Variants in CFTR observed in about 807,000 individuals in gnomAD.
CFTR encodes the protein CF transmembrane conductance regulator, also known as cystic fibrosis transmembrane conductance regulator.
In CFTR, 181 loss-of-function variants were observed where a neutral mutation model predicts 171.6. That is an observed-to-expected ratio of 1.05 (90% CI 0.93 to 1.19). The LOEUF is 1.19. Among genes scored for constraint, CFTR ranks in the 50% most tolerant of loss-of-function variants. The probability of loss-of-function intolerance (pLI) is 0.00; values close to 1 mark genes in which losing one functional copy is unlikely to be tolerated. For missense variants in CFTR, 1,968 were observed against 1,734.7 expected (o/e 1.13, Z -2.39); for synonymous variants, 583 against 608.0 (o/e 0.96, Z 0.60).
chr7:117,560,023 T>C (rs1342173203), intron 11 of CFTR, among the ~76,000 whole-genome samples: 1 of 152,050 alleles, frequency 6.6e-6, no homozygotes, highest in African/African-American at 2.4e-5. Flanking sequence ...ATATGCATCT[T>C]TAAAAATATA....
At chr7:117,616,931 AC>A (rs1418686782) in intron 21 of CFTR, among the ~76,000 whole-genome samples, 20 of 152,238 alleles carry the variant, frequency 1.3e-4, no homozygotes, top group Admixed American at 9.8e-4. Context: ...CCATTGCTAA[AC>A]TTATACAGTA....
chr7:117,612,021 A>ATATG lies in CFTR; in HGVS notation c.3367+214_3367+215insATGT, dbSNP rs1197151233. 6.7e-4 allele frequency among the ~76,000 whole-genome samples: 35 copies of ATATG among 52,390 alleles called. 1 individual carries two copies. Among genetic ancestry groups the ATATG allele is most frequent in the African/African-American group, 2.4e-3 (33 of 13,688 alleles). The allele number at this position is 52,390 out of a possible 152,430, so 34.4% of individuals were successfully genotyped here. On this transcript the variant is annotated intron_variant, in intron 20 of 26. Coordinates refer to ENST00000003084, the MANE Select transcript of CFTR (RefSeq NM_000492.4). The stretch of plus-strand genomic sequence containing the variant: ...CTTGAAATCGGATATATATATATAT[A>ATATG]TGTATATATATATATATATATATAT...
intron 11 of CFTR, among the ~76,000 whole-genome samples, chr7:117,568,245 C>G (rs1441552749): frequency 6.6e-6 from 1 of 152,152 alleles, no homozygotes; most frequent in Non-Finnish European, 1.5e-5. Flanking sequence ...CCTTTATATG[C>G]TCCAGTAAGA....
intron 15 of CFTR, among the ~76,000 whole-genome samples, chr7:117,596,803 T>G (rs1252787630): frequency 6.6e-6 from 1 of 152,230 alleles, no homozygotes; most frequent in African/African-American, 2.4e-5. Context: ...ATGTGCACTC[T>G]GTATCTAGCT....
chr7:117,667,086 A>T lies in CFTR; in HGVS notation c.4421A>T (p.Glu1474Val), dbSNP rs891768901. 1 of 1,613,980 alleles carries T rather than the reference A, an allele frequency of 6.2e-7. No homozygotes were observed. Among genetic ancestry groups the T allele is most frequent in the Non-Finnish European group, 8.5e-7 (1 of 1,179,930 alleles). Residue 1474 changes from glutamate (E) to valine (V), a missense_variant, in exon 27 of 27, where the codon GAG becomes GTG. Glu to Val is a moderately radical substitution (Grantham distance 121, BLOSUM62 -2). Coordinates refer to ENST00000003084, the MANE Select transcript of CFTR (RefSeq NM_000492.4). ...GCTCTGAAAGAGGAGACAGAAGAAGAGGTGCAAGATACAAGGCTTTAGAGA... is the reference window on the plus strand; with the variant it reads ...GCTCTGAAAGAGGAGACAGAAGAAGTGGTGCAAGATACAAGGCTTTAGAGA... The part of the protein sequence containing the change: ...IAALKEETEE[E>V]VQDTRL
intron 4 of CFTR, among the ~76,000 whole-genome samples, chr7:117,533,135 C>G (rs1281545751): frequency 2.6e-5 from 4 of 152,136 alleles, no homozygotes. Flanking sequence ...GTGCACACAG[C>G]TCTATGTTAA....
chr7:117,540,451 T>A, intron 8 of CFTR, 105 bp downstream of exon 8: 2 of 1,052,884 alleles, frequency 1.9e-6, no homozygotes, highest in Non-Finnish European at 2.8e-6. Flanking sequence ...GAAAAAGAAA[T>A]TTCCTTCACT....
intron 2 of CFTR, 67 bp downstream of exon 2, chr7:117,504,430 A>G (rs138490055): frequency 1.3e-5 from 11 of 849,088 alleles, no homozygotes; most frequent in African/African-American, 1.0e-4. Context: ...GAGAAGAGAA[A>G]GCAAACATAT....
intron 3 of CFTR, among the ~76,000 whole-genome samples, chr7:117,518,640 A>C (rs948317378): frequency 2.0e-5 from 3 of 150,718 alleles, no homozygotes; most frequent in South Asian, 2.1e-4. Context: ...CATGTTGCCC[A>C]GGCTGGTCTC....
At position 117,652,859 on chromosome 7, in the gene CFTR, TG is replaced by T; in HGVS notation, c.3893del (p.Gly1298GlufsTer30). ...VIPQKVFIFS[G>X]TFRKNLDPYE... ...TGCTATAGAAAGTATTTATTTTTTCTGGAACATTTAGAAAAAACTTGGATCC... is the reference window on the plus strand; with the variant it reads ...TGCTATAGAAAGTATTTATTTTTTCTGAACATTTAGAAAAAACTTGGATCC... On this transcript the variant is annotated frameshift_variant, in exon 24 of 27. Transcript: ENST00000003084. LOFTEE classifies it high-confidence loss of function. The T allele has an allele frequency of 6.4e-7, 1 of 1,555,278 alleles. No individual in the cohort carries two copies. The highest frequency in any genetic ancestry group is 8.9e-7 in the Non-Finnish European group (1 of 1,128,584).
At chr7:117,574,332 G>T (rs1791741221) in intron 11 of CFTR, among the ~76,000 whole-genome samples, 1 of 151,934 alleles carries the variant, frequency 6.6e-6, no homozygotes, top group African/African-American at 2.4e-5. Flanking sequence ...TTAAAATAAT[G>T]AACTTAATTA....
At chr7:117,586,155 G>A (rs1394361165) in intron 11 of CFTR, 2 of 152,122 alleles carry the variant, frequency 1.3e-5, no homozygotes, top group African/African-American at 2.4e-5. Flanking sequence ...GAAATCCACT[G>A]CAATTCTTGT....
intron 4 of CFTR, among the ~76,000 whole-genome samples, chr7:117,533,977 C>T (rs1306979916): frequency 3.3e-5 from 5 of 152,114 alleles, no homozygotes; most frequent in East Asian, 3.9e-4. Context: ...AAAAAACTCC[C>T]GCACAATATC....
At position 117,665,509 on chromosome 7, in the gene CFTR, C is replaced by T; in HGVS notation, c.4187C>T (p.Thr1396Ile). ...CTAAAACAAGCATTTGCTGATTGCA[C>T]AGTAATTCTCTGTGAACACAGGATA... ...RTLKQAFADC[T>I]VILCEHRIEA... is the part of the protein sequence containing the mutation. The change falls in exon 26 of 27, where the codon ACA becomes ATA. Residue 1396 changes from threonine (T) to isoleucine (I), a missense_variant. Transcript: ENST00000003084. 2.5e-6 allele frequency: 4 copies of T among 1,613,370 alleles called. No individual in the cohort carries two copies. Among genetic ancestry groups the T allele is most frequent in the East Asian group, 4.5e-5 (2 of 44,786 alleles).
chr7:117,652,054 G>A (rs1793097398), intron 23 of CFTR, among the ~76,000 whole-genome samples: 1 of 152,046 alleles, frequency 6.6e-6, no homozygotes, highest in African/African-American at 2.4e-5. Context: ...TATTATTATT[G>A]CTATTGCACC....
chr7:117,536,673 A>G lies in CFTR; in HGVS notation c.869A>G (p.Gln290Arg), dbSNP rs1301772800. The G allele has an allele frequency of 6.2e-7, 1 of 1,609,616 alleles. No individual in the cohort carries two copies. Among genetic ancestry groups the G allele is most frequent in the Admixed American group, 1.7e-5 (1 of 59,970 alleles). ...AMEKMIENLR[Q>R]TELKLTRKAA... ...GAAAAAATGATTGAAAACTTAAGAC[A>G]GTAAGTTGTTCCAATAATTTCAATA... Residue 290 changes from glutamine (Q) to arginine (R), a missense_variant and splice_region_variant, in exon 7 of 27, where the codon CAA (glutamine) becomes CGA (arginine). Coordinates refer to ENST00000003084, the MANE Select transcript of CFTR (RefSeq NM_000492.4).
At chr7:117,531,541 C>T (rs1013664194) in intron 4 of CFTR, among the ~76,000 whole-genome samples, 1 of 152,086 alleles carries the variant, frequency 6.6e-6, no homozygotes, top group East Asian at 1.9e-4. Flanking sequence ...TTCACCTTAA[C>T]TGGTTGTCAT....
intron 10 of CFTR, among the ~76,000 whole-genome samples, chr7:117,549,040 C>T (rs1799221594): frequency 6.6e-6 from 1 of 152,374 alleles, no homozygotes; most frequent in South Asian, 2.1e-4. Context: ...TTTTCTTCCA[C>T]ATCTTTATAT....
Position 117,611,656 on chromosome 7 carries a change from C to CT in CFTR, c.3217dup (p.Tyr1073LeufsTer3), listed in dbSNP as rs768963919. The CT allele has an allele frequency of 1.2e-6, 2 of 1,613,602 alleles. No individual in the cohort carries two copies. The highest frequency in any genetic ancestry group is 1.7e-6 in the Non-Finnish European group (2 of 1,179,762). On this transcript the variant is annotated frameshift_variant, in exon 20 of 27. Transcript: ENST00000003084. LOFTEE classifies it high-confidence loss of function. ...ACACTTCGTGCCTTCGGACGGCAGC[C>CT]TTACTTTGAAACTCTGTTCCACAAA...
Sources: gnomAD v4.1 joint callset for allele counts (sites outside exome capture counted in the v4.1 genomes callset) on GRCh38, gnomAD v4.1.1 for gene constraint, MANE v1.5 for transcripts, NCBI Gene and HGNC (gene_info 2026-07-23, HGNC 2026-07-21) for gene names.